Variants in RFX3 observed in about 807,000 individuals in gnomAD.
The protein encoded by RFX3 is transcription factor RFX3.
In RFX3, 14 loss-of-function variants were observed where a neutral mutation model predicts 98.6. That is an observed-to-expected ratio of 0.14 (90% CI 0.09 to 0.22). The LOEUF (loss-of-function observed/expected upper bound fraction) is 0.22, where lower values mean the gene tolerates loss of function less well. Among genes scored for constraint, RFX3 ranks in the 10% least tolerant of loss-of-function variants. The pLI is 1.00. For missense variants in RFX3, 639 were observed against 926.9 expected, an observed-to-expected ratio of 0.69 and a Z score of 4.03; for synonymous variants, 383 against 328.4, an observed-to-expected ratio of 1.17 and a Z score of -1.80.
intron 4 of RFX3, among the ~76,000 whole-genome samples, chr9:3,303,611 C>T (rs537107917): frequency 1.3e-4 from 19 of 151,356 alleles, no homozygotes; most frequent in Non-Finnish European, 1.5e-4. Flanking sequence ...TTAATAAGCA[C>T]TTTTCAGTTG....
intron 1 of RFX3, among the ~76,000 whole-genome samples, chr9:3,470,597 GA>G (rs1848694174): frequency 6.6e-6 from 1 of 152,034 alleles, no homozygotes; most frequent in African/African-American, 2.4e-5. Flanking sequence ...AGAGTGCTGG[GA>G]TTACAGGCAG....
At chr9:3,367,535 T>A (rs1343917965) in intron 2 of RFX3, among the ~76,000 whole-genome samples, 2 of 152,164 alleles carry the variant, frequency 1.3e-5, no homozygotes, top group African/African-American at 4.8e-5. Context: ...GTGGGTGTTG[T>A]TTTGAGCTAC....
rs542773601 is a variant in RFX3, at chr9:3,233,411, A to C, written c.1969-4522T>G. ...AGGTGCATTAAAGAGACCACTGTACATTCAATTCAGCAACAGCTGACTTTT... is the reference window on the plus strand; with the variant it reads ...AGGTGCATTAAAGAGACCACTGTACCTTCAATTCAGCAACAGCTGACTTTT... On this transcript the variant is annotated intron_variant, in intron 15 of 16. Transcript: ENST00000617270. 2.0e-5 allele frequency among the ~76,000 whole-genome samples: 3 copies of C among 152,318 alleles called. No homozygotes were observed. In the East Asian group the frequency reaches 5.8e-4, roughly 29 times the overall value.
At chr9:3,288,310 T>G in intron 6 of RFX3, 60 bp from the exon 7 acceptor site, 1 of 1,516,418 alleles carries the variant, frequency 6.6e-7, no homozygotes, top group Non-Finnish European at 9.1e-7. Context: ...ATTAATCACA[T>G]GGGATGTCCA....
rs1254234470 is a variant in RFX3, at chr9:3,366,702, CTTTCTTTCTTTCTTTCTTTCT to C, written c.118-19959_118-19939del. 2.7e-4 allele frequency among the ~76,000 whole-genome samples: 21 copies of C among 76,376 alleles called. 1 individual carries two copies. Among genetic ancestry groups the C allele is most frequent in the African/African-American group, 9.8e-4 (18 of 18,386 alleles). 50.1% of individuals were successfully genotyped at this position (76,376 alleles called of 152,430 possible). On this transcript the variant is annotated intron_variant, in intron 2 of 16. Coordinates refer to ENST00000617270, the MANE Select transcript of RFX3 (RefSeq NM_001282116.2). ...TCTTTCTTCTTTCTTTCCTTTCTTT[CTTTCTTTCTTTCTTTCTTTCT>C]TTCTTTCTTTCTTTCTTTCTTTCTT...
chr9:3,296,434 C>T (rs550117076), intron 5 of RFX3, among the ~76,000 whole-genome samples: 12 of 151,876 alleles, frequency 7.9e-5, no homozygotes, highest in South Asian at 6.2e-4. Flanking sequence ...AAATCTGCAC[C>T]GTTTTATAAA....
intron 1 of RFX3, among the ~76,000 whole-genome samples, chr9:3,453,364 C>T (rs1846846170): frequency 6.6e-6 from 1 of 151,764 alleles, no homozygotes; most frequent in Non-Finnish European, 1.5e-5. Flanking sequence ...CATAGAAATG[C>T]CCCAAATCCT....
intron 2 of RFX3, among the ~76,000 whole-genome samples, chr9:3,366,694 C>CTTTCTTTCTTTCTTTCTTTCTTTCTTTCT (rs1837153223): frequency 1.2e-4 from 1 of 8,304 alleles, no homozygotes; most frequent in Non-Finnish European, 3.0e-4. Flanking sequence ...TCTTTCTTTC[C>CTTTCTTTCTTTCTTTCTTTCTTTCTTTCT]TTTCTTTCTT....
intron 13 of RFX3, among the ~76,000 whole-genome samples, chr9:3,258,970 C>G (rs1347725241): frequency 2.0e-5 from 3 of 151,784 alleles, no homozygotes; most frequent in Non-Finnish European, 4.4e-5. Flanking sequence ...AGATATTCTG[C>G]TTAGTTTCAC....
chr9:3,426,496 A>C (rs1844046316), intron 1 of RFX3, among the ~76,000 whole-genome samples: 1 of 152,076 alleles, frequency 6.6e-6, no homozygotes, highest in Admixed American at 6.5e-5. Flanking sequence ...TAGGAAACAG[A>C]CCACACAGCA....
chr9:3,423,801 A>C (rs920697880), intron 1 of RFX3, among the ~76,000 whole-genome samples: 1 of 130,184 alleles, frequency 7.7e-6, no homozygotes, highest in South Asian at 2.2e-4. Flanking sequence ...ATATATATAT[A>C]TATATATATA....
intron 1 of RFX3, among the ~76,000 whole-genome samples, chr9:3,423,598 C>T (rs538323203): frequency 5.3e-5 from 8 of 151,670 alleles, no homozygotes; most frequent in African/African-American, 1.9e-4. Context: ...TCTAGAGAGA[C>T]AGAAAGTAGA....
Position 3,379,534 on chromosome 9 carries a change from A to G in RFX3, c.117+15938T>C, listed in dbSNP as rs538400881. ...ATTAAAGTAGTTTAACCTAGAATGA[A>G]AAAGATCATAGGCAAATATGAAACA... On this transcript the variant is annotated intron_variant, in intron 2 of 16. Transcript: ENST00000617270. Among the ~76,000 whole-genome samples the G allele has an allele frequency of 2.8e-4, 43 of 152,338 alleles. No homozygotes were observed. The South Asian group carries it at 8.9e-3, about 32-fold the overall frequency.
intron 4 of RFX3, among the ~76,000 whole-genome samples, chr9:3,324,674 A>C (rs1340907037): frequency 6.6e-6 from 1 of 151,996 alleles, no homozygotes. Context: ...TACTTAAAAA[A>C]CTTGGTGGCA....
At chr9:3,318,546 AT>A (rs1355214004) in intron 4 of RFX3, among the ~76,000 whole-genome samples, 1 of 145,964 alleles carries the variant, frequency 6.9e-6, no homozygotes, top group African/African-American at 2.5e-5. Context: ...TAAAATTAAA[AT>A]TAAAAAAAAA....
At chr9:3,362,459 T>C (rs1232016275) in intron 2 of RFX3, among the ~76,000 whole-genome samples, 1 of 152,242 alleles carries the variant, frequency 6.6e-6, no homozygotes, top group African/African-American at 2.4e-5. Context: ...CTTAGCTCTT[T>C]GGATATAATT....
At chr9:3,394,596 G>C (rs993035323) in intron 2 of RFX3, among the ~76,000 whole-genome samples, 1 of 152,140 alleles carries the variant, frequency 6.6e-6, no homozygotes, top group African/African-American at 2.4e-5. Flanking sequence ...ATATAACCTT[G>C]CATCTATCAA....
At chr9:3,470,531 GT>G (rs1170015254) in intron 1 of RFX3, among the ~76,000 whole-genome samples, 1 of 150,622 alleles carries the variant, frequency 6.6e-6, no homozygotes, top group African/African-American at 2.4e-5. Context: ...GTTTCACCAT[GT>G]TAGCAAGGAT....
chr9:3,403,271 T>TA (rs1450678183), intron 1 of RFX3, among the ~76,000 whole-genome samples: 1 of 152,140 alleles, frequency 6.6e-6, no homozygotes, highest in Non-Finnish European at 1.5e-5. Context: ...TTATTCATTG[T>TA]AAAACACAGG....
Sources: gnomAD v4.1 joint callset for allele counts (sites outside exome capture counted in the v4.1 genomes callset) on GRCh38, gnomAD v4.1.1 for gene constraint, MANE v1.5 for transcripts, NCBI Gene and HGNC (gene_info 2026-07-23, HGNC 2026-07-21) for gene names.